Variants in ASCC3 observed in about 807,000 individuals in gnomAD.
The protein encoded by ASCC3 is activating signal cointegrator 1 complex subunit 3, also known as ASC-1 complex subunit P200.
In ASCC3, 158 loss-of-function variants were observed where a neutral mutation model predicts 256.3. That is an observed-to-expected ratio of 0.62 (90% CI 0.54 to 0.70). The LOEUF is 0.70. ASCC3 is among the 30% of genes least tolerant of loss of function. The probability of loss-of-function intolerance (pLI) is 0.00; values close to 1 mark genes in which losing one functional copy is unlikely to be tolerated. For synonymous variants in ASCC3, 948 were observed against 883.4 expected, an observed-to-expected ratio of 1.07 and a Z score of -1.30; for missense variants, 2,259 against 2,626.0, an observed-to-expected ratio of 0.86 and a Z score of 3.05.
chr6:100,659,851 TAA>T (rs1438502744), intron 16 of ASCC3, among the ~76,000 whole-genome samples: 1 of 151,486 alleles, frequency 6.6e-6, no homozygotes, highest in Admixed American at 6.6e-5. Context: ...CTTTAGCATT[TAA>T]GTCTGTTCTT....
At chr6:100,747,832 C>T (rs1470191993) in intron 10 of ASCC3, among the ~76,000 whole-genome samples, 1 of 151,880 alleles carries the variant, frequency 6.6e-6, no homozygotes, top group Admixed American at 6.6e-5. Context: ...ATATTTTGTG[C>T]ACATTAGTTA....
intron 36 of ASCC3, among the ~76,000 whole-genome samples, chr6:100,587,271 C>T (rs1330599208): frequency 6.7e-6 from 1 of 150,098 alleles, no homozygotes; most frequent in Non-Finnish European, 1.5e-5. Flanking sequence ...ATACTGAGTT[C>T]TTTGAGTCAT....
At chr6:100,611,515 G>T (rs1773394843) in intron 30 of ASCC3, among the ~76,000 whole-genome samples, 1 of 152,020 alleles carries the variant, frequency 6.6e-6, no homozygotes, top group African/African-American at 2.4e-5. Context: ...GATATAATTT[G>T]TTGAGCACTT....
At chr6:100,715,258 C>A in intron 13 of ASCC3, 2 of 483,708 alleles carry the variant, frequency 4.1e-6, no homozygotes, top group Non-Finnish European at 7.3e-6. Flanking sequence ...CACGACCTAT[C>A]AATACTGGGA....
chr6:100,583,899 C>G (rs139232306), intron 36 of ASCC3, among the ~76,000 whole-genome samples: 296 of 152,158 alleles, frequency 1.9e-3, no homozygotes, highest in Middle Eastern at 0.017. Flanking sequence ...GAGCAGTTTT[C>G]AGTGAGTTTC....
intron 37 of ASCC3, among the ~76,000 whole-genome samples, chr6:100,523,961 A>T (rs1774432776): frequency 6.6e-6 from 1 of 152,168 alleles, no homozygotes; most frequent in South Asian, 2.1e-4. Context: ...TTTGTATATT[A>T]TTGCACAGAT....
chr6:100,642,677 T>C lies in ASCC3; in HGVS notation c.3805A>G (p.Ile1269Val). The C allele has an allele frequency of 1.2e-6, 2 of 1,613,940 alleles. No individual in the cohort carries two copies. The highest frequency in any genetic ancestry group is 1.7e-6 in the Non-Finnish European group (2 of 1,179,854). ...AACCATCTATCAGACACTGCTCGGA[T>C]GTAGTATTGGGAAGGCAAAGGCTCA... is the stretch of plus-strand genomic sequence containing the variant. ...IFEPLPSQYY[I>V]RAVSDRWLGA... The change falls in exon 24 of 42, where the codon ATC (isoleucine) becomes GTC (valine). Residue 1269 changes from isoleucine to valine, a missense_variant. This residue lies in a region of ASCC3 where 1,839 missense variants were observed against 2,206.7 expected (regional missense o/e 0.83). Transcript: ENST00000369162.
intron 8 of ASCC3, 90 bp from the exon 9 acceptor site, chr6:100,767,435 T>G: frequency 7.3e-7 from 1 of 1,367,446 alleles, no homozygotes; most frequent in South Asian, 1.2e-5. Flanking sequence ...TTCCTTTGTT[T>G]TTTAAAAAAA....
At chr6:100,783,679 T>C (rs1302319525) in intron 8 of ASCC3, among the ~76,000 whole-genome samples, 3 of 151,976 alleles carry the variant, frequency 2.0e-5, no homozygotes, top group African/African-American at 7.3e-5. Flanking sequence ...AATACACCAA[T>C]CCCAAACTAC....
chr6:100,582,230 C>T (rs1223714792), intron 36 of ASCC3, among the ~76,000 whole-genome samples: 2 of 151,928 alleles, frequency 1.3e-5, no homozygotes, highest in Non-Finnish European at 2.9e-5. Context: ...ATGGAATGTT[C>T]TTCCATTTGT....
intron 36 of ASCC3, among the ~76,000 whole-genome samples, chr6:100,549,952 G>A (rs2114682388): frequency 6.6e-6 from 1 of 151,876 alleles, no homozygotes; most frequent in African/African-American, 2.4e-5. Flanking sequence ...AGAAAATAGT[G>A]TGAGTAGATC....
Position 100,873,286 on chromosome 6 carries a change from G to A in ASCC3, c.-41-5248C>T, listed in dbSNP as rs192974592. On this transcript the variant is annotated intron_variant, in intron 1 of 41. Transcript: ENST00000369162. ...TTGAACAAGCAGATCTTCAGAGCTC[G>A]AAGACAAGGTTTTCTAATTAACCCA... is the stretch of plus-strand genomic sequence containing the variant. Among the ~76,000 whole-genome samples the A allele has an allele frequency of 2.3e-3, 354 of 152,126 alleles. 1 individual carries two copies. Among genetic ancestry groups the A allele is most frequent in the African/African-American group, 8.1e-3 (335 of 41,496 alleles).
chr6:100,533,862 G>T (rs1775032968), intron 37 of ASCC3, among the ~76,000 whole-genome samples: 1 of 152,202 alleles, frequency 6.6e-6, no homozygotes, highest in Admixed American at 6.5e-5. Context: ...GAAAGGATCA[G>T]AGATATCAGA....
intron 36 of ASCC3, among the ~76,000 whole-genome samples, chr6:100,550,078 T>C (rs998271664): frequency 6.6e-6 from 1 of 151,924 alleles, no homozygotes; most frequent in African/African-American, 2.4e-5. Flanking sequence ...CTGTCAAGTA[T>C]GCAAAATACA....
chr6:100,536,344 C>A (rs1204460451), intron 37 of ASCC3, among the ~76,000 whole-genome samples: 1 of 152,116 alleles, frequency 6.6e-6, no homozygotes, highest in Non-Finnish European at 1.5e-5. Flanking sequence ...GATGTTTTTA[C>A]ACACACATAC....
chr6:100,836,241 C>T (rs1012985348), intron 4 of ASCC3, among the ~76,000 whole-genome samples: 15 of 152,020 alleles, frequency 9.9e-5, no homozygotes, highest in African/African-American at 2.9e-4. Context: ...ATGTCTTTTA[C>T]TTCTTTCTCT....
chr6:100,618,969 T>C (rs554191124), intron 30 of ASCC3, among the ~76,000 whole-genome samples: 1 of 152,310 alleles, frequency 6.6e-6, no homozygotes, highest in South Asian at 2.1e-4. Flanking sequence ...ACTGGTCTTA[T>C]TATGTTCTCA....
chr6:100,728,240 G>A (rs1442303355), intron 10 of ASCC3, among the ~76,000 whole-genome samples: 1 of 151,832 alleles, frequency 6.6e-6, no homozygotes, highest in East Asian at 1.9e-4. Flanking sequence ...AAAAAAGAAG[G>A]GGGGAATGAT....
chr6:100,712,236 A>G (rs996590784), intron 13 of ASCC3, among the ~76,000 whole-genome samples: 1 of 152,226 alleles, frequency 6.6e-6, no homozygotes, highest in Non-Finnish European at 1.5e-5. Flanking sequence ...AACACCAAAG[A>G]CATAAAGGAA....
Sources: gnomAD v4.1 joint callset for allele counts (sites outside exome capture counted in the v4.1 genomes callset) on GRCh38, gnomAD v4.1.1 for gene constraint, gnomAD v4.1.1 regional missense constraint, MANE v1.5 for transcripts, NCBI Gene and HGNC (gene_info 2026-07-23, HGNC 2026-07-21) for gene names.